Variants in LRFN2 observed in about 807,000 individuals in gnomAD.
LRFN2 encodes the protein leucine-rich repeat and fibronectin type-III domain-containing protein 2.
A neutral mutation model predicts 37.3 loss-of-function variants in LRFN2; 18 were observed. That is an observed-to-expected ratio of 0.48 (90% CI 0.33 to 0.72). LRFN2 has a LOEUF of 0.72. Ranked by LOEUF, LRFN2 falls within the 30% of genes least tolerant of loss-of-function variation. LRFN2 has a pLI of 0.02. For missense variants in LRFN2, 1,006 were observed against 1,060.7 expected, an observed-to-expected ratio of 0.95 and a Z score of 0.72; for synonymous variants, 556 against 466.6, an observed-to-expected ratio of 1.19 and a Z score of -2.47.
rs143852291 is a variant in LRFN2 at position 40,584,721 on chromosome 6, T to C, written c.-19+2220A>G. On this transcript the variant is annotated intron_variant, in intron 1 of 2. Transcript: ENST00000338305. ...CCCACGCCAGGAGCTTATAAGCCTC[T>C]ATACATCCACCCTGCAAAAAAGGAG... Among the ~76,000 whole-genome samples the C allele has an allele frequency of 4.5e-4, 69 of 152,132 alleles. No homozygotes were observed. The East Asian group carries it at 0.013, about 28-fold the overall frequency.
chr6:40,492,551 G>T (rs1325653120), intron 1 of LRFN2, among the ~76,000 whole-genome samples: 1 of 152,196 alleles, frequency 6.6e-6, no homozygotes, highest in Non-Finnish European at 1.5e-5. Context: ...GAAAACAATT[G>T]ATTATCTTTA....
intron 1 of LRFN2, among the ~76,000 whole-genome samples, chr6:40,444,482 C>G (rs1333868825): frequency 6.6e-6 from 1 of 152,232 alleles, no homozygotes; most frequent in Non-Finnish European, 1.5e-5. Flanking sequence ...TTATTGCAAA[C>G]ACCAGGCTCC....
chr6:40,472,867 C>T lies in LRFN2; in HGVS notation c.-18-39736G>A, dbSNP rs73430982. Among the ~76,000 whole-genome samples the T allele has an allele frequency of 7.3e-3, 1,114 of 152,268 alleles. 20 individuals carry two copies. The highest frequency in any genetic ancestry group is 0.026 in the African/African-American group (1,075 of 41,548). ...CTCTGAACTTTCAGTGAGTGTGTTT[C>T]TCCTTGGCTTGGAACCTCCCATCTC... On this transcript the variant is annotated intron_variant, in intron 1 of 2. Transcript: ENST00000338305.
chr6:40,477,134 G>A (rs761107834), intron 1 of LRFN2, among the ~76,000 whole-genome samples: 7 of 152,152 alleles, frequency 4.6e-5, no homozygotes, highest in African/African-American at 7.2e-5. Flanking sequence ...CAATTACATC[G>A]GGATTTCTGG....
chr6:40,393,245 T>G (rs1581671371), intron 2 of LRFN2, among the ~76,000 whole-genome samples: 2 of 147,552 alleles, frequency 1.4e-5, no homozygotes. Flanking sequence ...CAGGTTAGGG[T>G]GGAAAGGAAG....
chr6:40,440,376 A>G (rs1375992466), intron 1 of LRFN2, among the ~76,000 whole-genome samples: 1 of 152,114 alleles, frequency 6.6e-6, no homozygotes, highest in Non-Finnish European at 1.5e-5. Context: ...GCACCTGGGA[A>G]CCCCTTCTTG....
chr6:40,425,311 C>G (rs148369037), intron 2 of LRFN2, among the ~76,000 whole-genome samples: 1 of 152,206 alleles, frequency 6.6e-6, no homozygotes, highest in Admixed American at 6.5e-5. Flanking sequence ...GGCTGCATCC[C>G]GGCTGACTGC....
intron 1 of LRFN2, among the ~76,000 whole-genome samples, chr6:40,574,651 T>C (rs1385370863): frequency 6.6e-6 from 1 of 152,270 alleles, no homozygotes; most frequent in Middle Eastern, 3.4e-3. Context: ...GTAAATTTGG[T>C]GCATAATTGG....
intron 1 of LRFN2, among the ~76,000 whole-genome samples, chr6:40,532,308 A>G (rs991721151): frequency 1.3e-5 from 2 of 152,242 alleles, no homozygotes; most frequent in East Asian, 1.9e-4. Flanking sequence ...TAGGAATATA[A>G]TGGACCTAGT....
At chr6:40,471,726 C>A (rs1764599418) in intron 1 of LRFN2, among the ~76,000 whole-genome samples, 1 of 152,212 alleles carries the variant, frequency 6.6e-6, no homozygotes, top group Non-Finnish European at 1.5e-5. Context: ...GCCACTCAGA[C>A]CAGTATCCAT....
At chr6:40,471,916 C>T (rs73732668) in intron 1 of LRFN2, among the ~76,000 whole-genome samples, 2,052 of 152,228 alleles carry the variant, frequency 0.013, 59 homozygotes, top group African/African-American at 0.046. Context: ...CCAGAAGCAG[C>T]GAGGGCCTAT....
At chr6:40,557,086 C>A (rs1421849404) in intron 1 of LRFN2, among the ~76,000 whole-genome samples, 1 of 152,164 alleles carries the variant, frequency 6.6e-6, no homozygotes, top group Non-Finnish European at 1.5e-5. Context: ...AGCCTCTCTG[C>A]CACAATGCAA....
At position 40,462,077 on chromosome 6, in the gene LRFN2, C is replaced by T. The variant is rs573129833; in HGVS notation, c.-18-28946G>A. On this transcript the variant is annotated intron_variant, in intron 1 of 2. Transcript: ENST00000338305. ...ACACATACCTTTGTGAAATCAAAAC[C>T]TCTCCATTTACTGACAGAGCAGTAA... 2.6e-5 allele frequency among the ~76,000 whole-genome samples: 4 copies of T among 152,274 alleles called. No homozygotes were observed. In the East Asian group the frequency reaches 7.7e-4, roughly 29 times the overall value.
chr6:40,572,696 A>G (rs563691485), intron 1 of LRFN2, among the ~76,000 whole-genome samples: 2 of 152,306 alleles, frequency 1.3e-5, no homozygotes, highest in South Asian at 4.1e-4. Context: ...CCAGCCTGGC[A>G]TTAATAGCAT....
chr6:40,391,855 A>T lies in LRFN2; in HGVS notation c.*88T>A. 7.3e-7 allele frequency: 1 copy of T among 1,364,314 alleles called. No homozygotes were observed. The highest frequency in any genetic ancestry group is 9.8e-7 in the Non-Finnish European group (1 of 1,017,936). 84.5% of individuals were successfully genotyped at this position (1,364,314 alleles called of 1,614,324 possible). On this transcript the variant is annotated 3_prime_UTR_variant, in exon 3 of 3. Transcript: ENST00000338305. ...GAAACTGTCCCTGGATGTAAACATCACCATGGAAACTCCACAAACACTTGC... is the reference window on the plus strand; with the variant it reads ...GAAACTGTCCCTGGATGTAAACATCTCCATGGAAACTCCACAAACACTTGC...
intron 2 of LRFN2, among the ~76,000 whole-genome samples, chr6:40,412,449 G>A (rs1762992854): frequency 6.6e-6 from 1 of 152,180 alleles, no homozygotes; most frequent in South Asian, 2.1e-4. Flanking sequence ...ATAGGTAACA[G>A]AGCATGACTG....
At chr6:40,431,673 G>A (rs1294026769) in intron 2 of LRFN2, 41 bp downstream of exon 2, 1 of 1,482,972 alleles carries the variant, frequency 6.7e-7, no homozygotes, top group African/African-American at 1.4e-5. Context: ...TCCTTCCCCA[G>A]CCAGACACCC....
intron 1 of LRFN2, among the ~76,000 whole-genome samples, chr6:40,456,561 C>T (rs746255880): frequency 2.6e-5 from 4 of 152,200 alleles, no homozygotes; most frequent in South Asian, 2.1e-4. Context: ...GCTGCTGCTG[C>T]GTGGCAATGC....
At chr6:40,567,231 C>T (rs1767106377) in intron 1 of LRFN2, among the ~76,000 whole-genome samples, 2 of 152,154 alleles carry the variant, frequency 1.3e-5, no homozygotes, top group Admixed American at 1.3e-4. Context: ...GAACAGTCTC[C>T]TGCTACCAAG....
Sources: gnomAD v4.1 joint callset for allele counts (sites outside exome capture counted in the v4.1 genomes callset) on GRCh38, gnomAD v4.1.1 for gene constraint, MANE v1.5 for transcripts, NCBI Gene and HGNC (gene_info 2026-07-23, HGNC 2026-07-21) for gene names.